IPMK: variants seen among roughly 807,000 people sequenced by gnomAD.
The protein encoded by IPMK is inositol 1,3,4,6-tetrakisphosphate 5-kinase.
Under a neutral mutation model 45.8 loss-of-function variants are expected in IPMK, and 17 were observed. The ratio of observed to expected loss-of-function variants is 0.37; its 90% CI spans 0.25 to 0.56. The LOEUF is 0.56. Ranked by LOEUF, IPMK falls within the 20% of genes least tolerant of loss-of-function variation. The pLI is 0.79. For missense variants in IPMK, 399 were observed against 498.0 expected (o/e 0.80, Z 1.89); for synonymous variants, 180 against 184.3 (o/e 0.98, Z 0.19).
chr10:58,232,979 T>A (rs1019833019), intron 2 of IPMK, among the ~76,000 whole-genome samples: 7 of 152,010 alleles, frequency 4.6e-5, no homozygotes, highest in South Asian at 2.1e-4. Context: ...CAATAAAAAA[T>A]GATAAAGGGG....
intron 1 of IPMK, among the ~76,000 whole-genome samples, chr10:58,240,574 C>T (rs943321933): frequency 2.7e-5 from 4 of 145,794 alleles, no homozygotes; most frequent in African/African-American, 1.0e-4. Flanking sequence ...AGATAATCTA[C>T]AAAATCATAA....
At chr10:58,261,107 TA>T (rs11375552) in intron 1 of IPMK, among the ~76,000 whole-genome samples, 10 of 139,480 alleles carry the variant, frequency 7.2e-5, no homozygotes, top group Non-Finnish European at 6.1e-5. Flanking sequence ...GGCTGAGCTA[TA>T]AAAAAAAAAA....
At chr10:58,207,567 T>C (rs1838089119) in intron 4 of IPMK, among the ~76,000 whole-genome samples, 1 of 152,226 alleles carries the variant, frequency 6.6e-6, no homozygotes, top group African/African-American at 2.4e-5. Flanking sequence ...TTCTAGGGTA[T>C]AGTTTAAGTC....
intron 4 of IPMK, among the ~76,000 whole-genome samples, chr10:58,205,530 G>A (rs1466602334): frequency 6.6e-6 from 1 of 152,130 alleles, no homozygotes; most frequent in South Asian, 2.1e-4. Context: ...TCAAGAATGT[G>A]GAGAAAATGG....
At position 58,253,751 on chromosome 10, in the gene IPMK, G is replaced by A. The variant is rs10826168; in HGVS notation, c.190+13671C>T. 7.8e-3 allele frequency among the ~76,000 whole-genome samples: 518 copies of A among 66,024 alleles called. 15 individuals are homozygous for A. The highest frequency in any genetic ancestry group is 0.054 in the African/African-American group (333 of 6,128). 43.3% of individuals were successfully genotyped at this position (66,024 alleles called of 152,430 possible). A position where few individuals can be genotyped will look rare whatever the true frequency, so the allele number is the denominator to read the frequency against. Reference sequence around the variant, plus strand: ...TCCATCTCCAAAAAAAAAAAAAAAAGAAAAAAAAAGAAAAGAAAAAGAAAA... The same window carrying A: ...TCCATCTCCAAAAAAAAAAAAAAAAAAAAAAAAAAGAAAAGAAAAAGAAAA... On this transcript the variant is annotated intron_variant, in intron 1 of 5. Coordinates refer to ENST00000373935, the MANE Select transcript of IPMK (RefSeq NM_152230.5).
intron 2 of IPMK, among the ~76,000 whole-genome samples, chr10:58,230,966 T>C (rs1052297214): frequency 2.0e-5 from 3 of 152,086 alleles, no homozygotes; most frequent in Non-Finnish European, 4.4e-5. Flanking sequence ...GAATAAACAG[T>C]GTAGAGAAGA....
chr10:58,206,293 C>T (rs1172466542), intron 4 of IPMK, among the ~76,000 whole-genome samples: 3 of 152,092 alleles, frequency 2.0e-5, no homozygotes, highest in African/African-American at 7.2e-5. Flanking sequence ...TCCCTAGGGA[C>T]AGGGAGTTTG....
chr10:58,229,369 C>A (rs946063592), intron 2 of IPMK, among the ~76,000 whole-genome samples: 3 of 151,890 alleles, frequency 2.0e-5, no homozygotes, highest in African/African-American at 7.3e-5. Flanking sequence ...TCCAGACCAG[C>A]CTGGCCAACA....
In IPMK at chr10:58,219,314, G is replaced by A. The variant is rs1838295754; in HGVS notation, c.374-2997C>T. On this transcript the variant is annotated intron_variant, in intron 3 of 5. Transcript: ENST00000373935. ...ATGCAGAATTCTTATGAAAGAATGCGATACCATGTCTTTCACAACTTGACT... is the reference window on the plus strand; with the variant it reads ...ATGCAGAATTCTTATGAAAGAATGCAATACCATGTCTTTCACAACTTGACT... 2.0e-5 allele frequency among the ~76,000 whole-genome samples: 3 copies of A among 152,106 alleles called. No homozygotes were observed. In the South Asian group the frequency reaches 6.2e-4, roughly 32 times the overall value.
At chr10:58,244,832 G>A (rs1588968460) in intron 1 of IPMK, among the ~76,000 whole-genome samples, 1 of 152,220 alleles carries the variant, frequency 6.6e-6, no homozygotes, top group African/African-American at 2.4e-5. Context: ...TTAAACAGAT[G>A]CTTGAAGACA....
chr10:58,255,431 G>A (rs1433024912), intron 1 of IPMK, among the ~76,000 whole-genome samples: 2 of 152,122 alleles, frequency 1.3e-5, no homozygotes, highest in African/African-American at 2.4e-5. Flanking sequence ...TGGGGGAGGG[G>A]GTGACACAGT....
intron 4 of IPMK, among the ~76,000 whole-genome samples, chr10:58,207,216 G>A (rs1838083911): frequency 2.0e-5 from 3 of 152,312 alleles, no homozygotes; most frequent in Middle Eastern, 3.4e-3. Flanking sequence ...TGTTAGCTAG[G>A]ATGGTCTCGA....
At chr10:58,263,807 GA>G (rs1392302404) in intron 1 of IPMK, among the ~76,000 whole-genome samples, 1 of 152,190 alleles carries the variant, frequency 6.6e-6, no homozygotes, top group Non-Finnish European at 1.5e-5. Context: ...GTTCCAGCTG[GA>G]AAAGTATCAT....
chr10:58,243,542 A>G lies in IPMK; in HGVS notation c.191-5728T>C, dbSNP rs570785988. Among the ~76,000 whole-genome samples the G allele has an allele frequency of 6.6e-5, 10 of 152,136 alleles. No individual in the cohort carries two copies. In the East Asian group the frequency reaches 2.0e-3, roughly 30 times the overall value. On this transcript the variant is annotated intron_variant, in intron 1 of 5. Transcript: ENST00000373935. ...GTGCCGCCACTCCTGACTGGTTTAT[A>G]TATTTTTGGTGAAAACGAGGTTTCC...
intron 4 of IPMK, among the ~76,000 whole-genome samples, chr10:58,211,983 T>C (rs1430604789): frequency 1.3e-5 from 2 of 151,636 alleles, no homozygotes; most frequent in African/African-American, 4.9e-5. Context: ...GTGTCAGTTT[T>C]GTGGGGTTTT....
At chr10:58,242,468 AAAAAAAAG>A (rs1361186046) in intron 1 of IPMK, among the ~76,000 whole-genome samples, 12 of 149,230 alleles carry the variant, frequency 8.0e-5, no homozygotes, top group East Asian at 2.0e-4. Context: ...TCAAAAAAAA[AAAAAAAAG>A]AAAAGAAAAC....
At chr10:58,266,358 C>G (rs202110298) in intron 1 of IPMK, among the ~76,000 whole-genome samples, 1 of 152,102 alleles carries the variant, frequency 6.6e-6, no homozygotes, top group Non-Finnish European at 1.5e-5. Flanking sequence ...TTTCTAAAAG[C>G]CTTGAGTTGT....
chr10:58,207,510 G>A (rs1011064682), intron 4 of IPMK, among the ~76,000 whole-genome samples: 1 of 152,214 alleles, frequency 6.6e-6, no homozygotes, highest in Admixed American at 6.5e-5. Context: ...CCCACCAGCA[G>A]TGTAAAAGTG....
chr10:58,258,193 C>T (rs1839001711), intron 1 of IPMK, among the ~76,000 whole-genome samples: 1 of 152,044 alleles, frequency 6.6e-6, no homozygotes, highest in African/African-American at 2.4e-5. Flanking sequence ...GCCTGTAATC[C>T]CAGCTACTTG....
Sources: allele counts gnomAD v4.1 joint callset (sites outside exome capture counted in the v4.1 genomes callset), GRCh38; gene constraint gnomAD v4.1.1; transcripts MANE v1.5; gene names NCBI Gene and HGNC (gene_info 2026-07-23, HGNC 2026-07-21).